The following DLG1 variants were observed in gnomAD, a reference collection of about 807,000 sequenced individuals.
The protein encoded by DLG1 is disks large homolog 1.
A neutral mutation model predicts 123.4 loss-of-function variants in DLG1; 42 were observed. The ratio of observed to expected loss-of-function variants is 0.34; its 90% CI spans 0.27 to 0.44. The LOEUF is 0.44. DLG1 is among the 20% of genes least tolerant of loss of function. The pLI is 1.00. For missense variants in DLG1, 942 were observed against 1,082.6 expected (o/e 0.87, Z 1.82); for synonymous variants, 317 against 356.2 (o/e 0.89, Z 1.24).
chr3:197,296,301 C>A, intron 3 of DLG1, 45 bp downstream of exon 3: 6 of 1,566,756 alleles, frequency 3.8e-6, no homozygotes, highest in Non-Finnish European at 5.2e-6. Context: ...TTGAGAGGAG[C>A]ATAAAGCCTA....
At chr3:197,177,461 G>A (rs978554868) in intron 5 of DLG1, among the ~76,000 whole-genome samples, 1 of 152,026 alleles carries the variant, frequency 6.6e-6, no homozygotes, top group African/African-American at 2.4e-5. Flanking sequence ...CCTTGGAGAT[G>A]AAGAAAAAAT....
At chr3:197,276,931 G>A (rs570490077) in intron 4 of DLG1, among the ~76,000 whole-genome samples, 5 of 150,438 alleles carry the variant, frequency 3.3e-5, no homozygotes, top group Non-Finnish European at 5.9e-5. Context: ...TCGCTCTGTC[G>A]CCCAGGCTGG....
intron 3 of DLG1, among the ~76,000 whole-genome samples, chr3:197,283,862 T>G (rs938047642): frequency 2.1e-5 from 3 of 146,172 alleles, no homozygotes; most frequent in Non-Finnish European, 4.5e-5. Flanking sequence ...TTGGGTTGTT[T>G]TTTTTTTTTT....
chr3:197,083,284 C>A (rs924888802), intron 16 of DLG1, among the ~76,000 whole-genome samples: 2 of 152,142 alleles, frequency 1.3e-5, no homozygotes, highest in South Asian at 2.1e-4. Context: ...GAAATAGTTA[C>A]GAAATAGGTA....
chr3:197,064,084 T>TA (rs1442636160), intron 22 of DLG1, among the ~76,000 whole-genome samples: 1 of 151,766 alleles, frequency 6.6e-6, no homozygotes, highest in African/African-American at 2.4e-5. Context: ...CACGCCAAGT[T>TA]AATTTTTGTA....
At chr3:197,063,344 T>C (rs954265098) in intron 22 of DLG1, among the ~76,000 whole-genome samples, 2 of 152,150 alleles carry the variant, frequency 1.3e-5, no homozygotes, top group East Asian at 1.9e-4. Context: ...AATACAAAAA[T>C]GTATACTCAG....
At chr3:197,253,626 G>A (rs1243691812) in intron 4 of DLG1, among the ~76,000 whole-genome samples, 9 of 152,130 alleles carry the variant, frequency 5.9e-5, no homozygotes, top group African/African-American at 2.2e-4. Context: ...CATTCATATA[G>A]AATTGCTGAA....
At chr3:197,164,196 C>T (rs1230635112) in intron 5 of DLG1, among the ~76,000 whole-genome samples, 1 of 151,706 alleles carries the variant, frequency 6.6e-6, no homozygotes, top group African/African-American at 2.4e-5. Context: ...TCAAGACCAG[C>T]CTGGCCAACA....
intron 5 of DLG1, among the ~76,000 whole-genome samples, chr3:197,189,656 A>C (rs1254854778): frequency 6.6e-6 from 1 of 152,242 alleles, no homozygotes; most frequent in Non-Finnish European, 1.5e-5. Flanking sequence ...AAAGAGAACA[A>C]GATGAACAAG....
intron 4 of DLG1, among the ~76,000 whole-genome samples, chr3:197,209,982 A>C (rs1730477916): frequency 6.8e-6 from 1 of 146,362 alleles, no homozygotes; most frequent in Admixed American, 6.9e-5. Context: ...AGACAAATGG[A>C]AACTCCTCAT....
At chr3:197,250,147 G>C (rs1223440438) in intron 4 of DLG1, among the ~76,000 whole-genome samples, 1 of 152,078 alleles carries the variant, frequency 6.6e-6, no homozygotes, top group Admixed American at 6.6e-5. Context: ...CTCATACCTA[G>C]AAAAACCTAA....
intron 6 of DLG1, among the ~76,000 whole-genome samples, chr3:197,143,199 C>T (rs753211029): frequency 8.5e-5 from 13 of 152,168 alleles, no homozygotes; most frequent in Admixed American, 2.0e-4. Context: ...TCTGCCTAAT[C>T]GCTTAGATTA....
chr3:197,047,593 CTTT>C (rs1233753177), intron 24 of DLG1, among the ~76,000 whole-genome samples: 1 of 143,510 alleles, frequency 7.0e-6, no homozygotes, highest in South Asian at 2.2e-4. Flanking sequence ...TTGCTACCTA[CTTT>C]TTTTTTTTTT....
At chr3:197,067,880 A>C (rs1226035223) in intron 19 of DLG1, among the ~76,000 whole-genome samples, 11 of 144,076 alleles carry the variant, frequency 7.6e-5, no homozygotes, top group Non-Finnish European at 1.4e-4. Flanking sequence ...GTTTTAAACT[A>C]ACACACACAC....
At position 197,298,579 on chromosome 3, in the gene DLG1, C is replaced by T. The variant is rs1286290031; in HGVS notation, c.-75G>A. 3 of 398,436 alleles carry T rather than the reference C, an allele frequency of 7.5e-6. No individual in the cohort carries two copies. Among genetic ancestry groups the T allele is most frequent in the Non-Finnish European group, 1.3e-5 (3 of 226,112 alleles). The allele number at this position is 398,436 out of a possible 1,614,324, so 24.7% of individuals were successfully genotyped here. A position where few individuals can be genotyped will look rare whatever the true frequency, so the allele number is the denominator to read the frequency against. ...CACTCAGCAGTGCCGTTTCCAACTC[C>T]GCGGCAGAGACAGCGCCTGGCGACC... On this transcript the variant is annotated 5_prime_UTR_variant, in exon 1 of 25. Transcript: ENST00000667157.
chr3:197,175,594 C>T (rs558421778), intron 5 of DLG1, among the ~76,000 whole-genome samples: 8 of 152,278 alleles, frequency 5.3e-5, no homozygotes, highest in African/African-American at 1.4e-4. Flanking sequence ...ACTTCCACTT[C>T]GTCAACAGCA....
intron 4 of DLG1, among the ~76,000 whole-genome samples, chr3:197,235,763 A>G (rs1745642190): frequency 6.6e-6 from 1 of 152,250 alleles, no homozygotes; most frequent in African/African-American, 2.4e-5. Flanking sequence ...CCAGATATGC[A>G]AAGAAGCAGA....
At chr3:197,120,638 C>A (rs1775842864) in intron 11 of DLG1, among the ~76,000 whole-genome samples, 1 of 152,082 alleles carries the variant, frequency 6.6e-6, no homozygotes, top group African/African-American at 2.4e-5. Flanking sequence ...ATACTACGCA[C>A]TGGAGTACAA....
chr3:197,117,269 A>G (rs1043632661), intron 12 of DLG1, among the ~76,000 whole-genome samples: 2 of 152,238 alleles, frequency 1.3e-5, no homozygotes, highest in Non-Finnish European at 2.9e-5. Context: ...TACGAAAACC[A>G]GTTTGGTGGT....
Sources: allele counts gnomAD v4.1 joint callset (sites outside exome capture counted in the v4.1 genomes callset), GRCh38; gene constraint gnomAD v4.1.1; transcripts MANE v1.5; gene names NCBI Gene and HGNC (gene_info 2026-07-23, HGNC 2026-07-21).